INTS9: variants seen among roughly 807,000 people sequenced by gnomAD.
INTS9 encodes integrator complex subunit 9.
Under a neutral mutation model 79.7 loss-of-function variants are expected in INTS9, and 55 were observed. That is an observed-to-expected ratio of 0.69 (90% CI 0.56 to 0.86). The LOEUF is 0.86. Among genes scored for constraint, INTS9 ranks in the 40% least tolerant of loss-of-function variants. The pLI is 0.00. For synonymous variants in INTS9, 319 were observed against 325.2 expected (o/e 0.98, Z 0.20); for missense variants, 721 against 831.5 (o/e 0.87, Z 1.64).
At chr8:28,850,105 G>GAA (rs76248890) in intron 3 of INTS9, 108 bp downstream of exon 3, 96 of 654,300 alleles carry the variant, frequency 1.5e-4, no homozygotes, top group South Asian at 2.5e-4. Flanking sequence ...TTTCAGAGAG[G>GAA]AAAAAAAAAA....
chr8:28,815,399 TA>T (rs1805412666), intron 6 of INTS9, among the ~76,000 whole-genome samples: 1 of 152,002 alleles, frequency 6.6e-6, no homozygotes, highest in African/African-American at 2.4e-5. Context: ...GAATTAGAAA[TA>T]AAAGAAAACA....
At chr8:28,777,589 A>G (rs1585332889) in intron 13 of INTS9, among the ~76,000 whole-genome samples, 1 of 151,568 alleles carries the variant, frequency 6.6e-6, no homozygotes, top group South Asian at 2.1e-4. Context: ...AAGCGGACAC[A>G]GATGGTTTTC....
intron 4 of INTS9, among the ~76,000 whole-genome samples, chr8:28,844,321 G>A (rs191712078): frequency 3.8e-4 from 58 of 151,588 alleles, no homozygotes; most frequent in Non-Finnish European, 5.2e-4. Flanking sequence ...GACGCAGATC[G>A]CTTGAGCTCA....
intron 12 of INTS9, among the ~76,000 whole-genome samples, chr8:28,778,949 C>G (rs997947854): frequency 6.6e-6 from 1 of 152,210 alleles, no homozygotes; most frequent in Admixed American, 6.5e-5. Flanking sequence ...CTCTCCCAGA[C>G]ACAACTTCTG....
chr8:28,786,974 C>T (rs547754444), intron 11 of INTS9, among the ~76,000 whole-genome samples: 2 of 152,254 alleles, frequency 1.3e-5, no homozygotes, highest in African/African-American at 4.8e-5. Context: ...GCCTTGGCCT[C>T]CCAAAGTGCT....
intron 10 of INTS9, among the ~76,000 whole-genome samples, chr8:28,790,910 G>C (rs964241331): frequency 6.6e-6 from 1 of 152,204 alleles, no homozygotes; most frequent in African/African-American, 2.4e-5. Flanking sequence ...CACCGTCAAT[G>C]CCCTCAGGGA....
intron 1 of INTS9, among the ~76,000 whole-genome samples, chr8:28,889,178 A>C (rs1345547767): frequency 2.0e-5 from 3 of 152,222 alleles, no homozygotes; most frequent in African/African-American, 7.2e-5. Flanking sequence ...AAATGGCTCA[A>C]ATCAAAGGTC....
At position 28,859,619 on chromosome 8, in the gene INTS9, G is replaced by C. The variant is rs527678981; in HGVS notation, c.10-56C>G. Reference sequence around the variant, plus strand: ...ATCAATTACAGAAGAATCCTACAAAGTAAAGTGAATTAAATAACTCTGACG... The same window carrying C: ...ATCAATTACAGAAGAATCCTACAAACTAAAGTGAATTAAATAACTCTGACG... On this transcript the variant is annotated intron_variant, in intron 1 of 16. Coordinates refer to ENST00000521022, the MANE Select transcript of INTS9 (RefSeq NM_018250.4). 2.5e-6 allele frequency: 4 copies of C among 1,570,854 alleles called. No individual in the cohort carries two copies. In the African/African-American group the frequency reaches 4.1e-5, roughly 16 times the overall value.
At position 28,835,312 on chromosome 8, in the gene INTS9, C is replaced by G. The variant is rs772132650; in HGVS notation, c.468G>C (p.Trp156Cys). 1 of 1,613,350 alleles carries G rather than the reference C, an allele frequency of 6.2e-7. No homozygotes were observed. Among genetic ancestry groups the G allele is most frequent in the South Asian group, 1.1e-5 (1 of 91,028 alleles). ...CTCACCTCTGAATGTCCTTATTCTTCCACAAGGAGGCAGACTGAGCCTTTG... is the reference window on the plus strand; with the variant it reads ...CTCACCTCTGAATGTCCTTATTCTTGCACAAGGAGGCAGACTGAGCCTTTG... Reference protein sequence around the residue: ...RVPKAQSASLWKNKDIQRLLP... With the variant: ...RVPKAQSASLCKNKDIQRLLP... The change falls in exon 6 of 17, where the codon TGG (tryptophan) becomes TGC (cysteine). Residue 156 changes from tryptophan to cysteine, a missense_variant. By Grantham distance (215) the Trp-to-Cys change is radical. Transcript: ENST00000521022.
intron 1 of INTS9, among the ~76,000 whole-genome samples, chr8:28,884,710 A>G (rs1013285365): frequency 1.3e-5 from 2 of 152,212 alleles, no homozygotes; most frequent in African/African-American, 4.8e-5. Context: ...AAAGCTTGAA[A>G]TGACATTACA....
chr8:28,771,176 G>T (rs747432603), intron 14 of INTS9, 96 bp from the exon 15 acceptor site: 2 of 952,110 alleles, frequency 2.1e-6, no homozygotes, highest in African/African-American at 1.6e-5. Context: ...CTAAAAAGAT[G>T]AAATAACTTT....
intron 8 of INTS9, among the ~76,000 whole-genome samples, chr8:28,809,807 A>C (rs1805005410): frequency 6.6e-6 from 1 of 152,216 alleles, no homozygotes; most frequent in South Asian, 2.1e-4. Context: ...AGGGCCCAGA[A>C]TTCCGCCAGA....
At chr8:28,807,987 T>G (rs1045852643) in intron 8 of INTS9, among the ~76,000 whole-genome samples, 1 of 152,200 alleles carries the variant, frequency 6.6e-6, no homozygotes, top group Non-Finnish European at 1.5e-5. Context: ...TTGCTAAATA[T>G]CAAATCAATT....
intron 11 of INTS9, 111 bp downstream of exon 11, chr8:28,787,718 G>GGTCT: frequency 1.6e-6 from 1 of 627,286 alleles, no homozygotes; most frequent in Non-Finnish European, 2.8e-6. Context: ...GAGGCAAAGG[G>GGTCT]GTCTACAGGT....
chr8:28,863,069 A>G (rs949763134), intron 1 of INTS9, among the ~76,000 whole-genome samples: 5 of 152,206 alleles, frequency 3.3e-5, no homozygotes, highest in Admixed American at 6.5e-5. Context: ...TCAGTTATAA[A>G]ATCATTAAGG....
chr8:28,827,888 A>G (rs1806244210), intron 6 of INTS9, among the ~76,000 whole-genome samples: 1 of 152,156 alleles, frequency 6.6e-6, no homozygotes, highest in South Asian at 2.1e-4. Flanking sequence ...CTAGTTCTGG[A>G]GCCACTCAGA....
rs1802991003 is a variant in INTS9 at position 28,777,912 on chromosome 8, G to C, written c.1312C>G (p.Pro438Ala). ...SYLEALAPYQ[P>A]LAMKCIYCPI... Reference sequence around the variant, plus strand: ...CAGTAGATGCATTTCATGGCCAGCGGCTGGTAAGGAGCCAGGGCTTCCAGG... The same window carrying C: ...CAGTAGATGCATTTCATGGCCAGCGCCTGGTAAGGAGCCAGGGCTTCCAGG... The change falls in exon 13 of 17, where the codon CCG (proline) becomes GCG (alanine). Residue 438 changes from proline (P) to alanine (A), a missense_variant. Pro to Ala is a conservative substitution (Grantham distance 27, BLOSUM62 -1). This residue lies in a region of INTS9 where 281 missense variants were observed against 300.8 expected (regional missense o/e 0.93). Coordinates refer to ENST00000521022, the MANE Select transcript of INTS9 (RefSeq NM_018250.4). The C allele has an allele frequency of 6.2e-7, 1 of 1,612,730 alleles. No homozygotes were observed. The highest frequency in any genetic ancestry group is 1.1e-5 in the South Asian group (1 of 90,870).
At chr8:28,878,508 G>C (rs1427749909) in intron 1 of INTS9, among the ~76,000 whole-genome samples, 1 of 151,172 alleles carries the variant, frequency 6.6e-6, no homozygotes, top group Non-Finnish European at 1.5e-5. Flanking sequence ...TTTTTGTAGA[G>C]ACAGGGTCTG....
chr8:28,881,218 C>T (rs1398484298), intron 1 of INTS9, among the ~76,000 whole-genome samples: 2 of 148,392 alleles, frequency 1.3e-5, no homozygotes, highest in African/African-American at 5.0e-5. Context: ...AGGAGCCCCT[C>T]TGCCCGGCCA....
Sources: gnomAD v4.1 joint callset for allele counts (sites outside exome capture counted in the v4.1 genomes callset) on GRCh38, gnomAD v4.1.1 for gene constraint, gnomAD v4.1.1 regional missense constraint, MANE v1.5 for transcripts, NCBI Gene and HGNC (gene_info 2026-07-23, HGNC 2026-07-21) for gene names.